CDHR3: variants seen among roughly 807,000 people sequenced by gnomAD.
The protein encoded by CDHR3 is cadherin-related family member 3.
Under a neutral mutation model 86.6 loss-of-function variants are expected in CDHR3, and 79 were observed. That is an observed-to-expected ratio of 0.91 (90% CI 0.76 to 1.10). The LOEUF is 1.10. Ranked by LOEUF, CDHR3 falls within the 50% of genes least tolerant of loss-of-function variation. The pLI is 0.00. For synonymous variants in CDHR3, 421 were observed against 402.4 expected (o/e 1.05, Z -0.55); for missense variants, 1,081 against 1,077.6 (o/e 1.00, Z -0.04).
chr7:106,023,858 C>T (rs1202961400), intron 14 of CDHR3, among the ~76,000 whole-genome samples: 1 of 152,224 alleles, frequency 6.6e-6, no homozygotes, highest in African/African-American at 2.4e-5. Context: ...CATCTCCAAT[C>T]CTGAAACCTC....
chr7:105,994,596 C>T (rs926169094), intron 4 of CDHR3, among the ~76,000 whole-genome samples, 155 bp from the exon 5 acceptor site: 3 of 152,164 alleles, frequency 2.0e-5, no homozygotes, highest in Non-Finnish European at 2.9e-5. Context: ...TATTCAAGAG[C>T]GATTAAATTG....
intron 6 of CDHR3, among the ~76,000 whole-genome samples, chr7:105,999,239 T>A (rs1832753195): frequency 6.6e-6 from 1 of 152,210 alleles, no homozygotes; most frequent in Admixed American, 6.5e-5. Context: ...TATCTTGGAT[T>A]CAAAAATCAA....
chr7:105,967,313 C>T (rs1585463428), intron 1 of CDHR3, among the ~76,000 whole-genome samples: 1 of 152,160 alleles, frequency 6.6e-6, no homozygotes, highest in Non-Finnish European at 1.5e-5. Flanking sequence ...GCATAGTATT[C>T]CATGGTGTAT....
chr7:105,984,381 G>A, intron 4 of CDHR3, 92 bp downstream of exon 4: 2 of 857,402 alleles, frequency 2.3e-6, no homozygotes, highest in Non-Finnish European at 3.6e-6. Flanking sequence ...GTGAGTTTGG[G>A]CAGTGGCAGT....
At chr7:106,006,482 T>C (rs1016424692) in intron 8 of CDHR3, among the ~76,000 whole-genome samples, 1 of 152,118 alleles carries the variant, frequency 6.6e-6, no homozygotes, top group Non-Finnish European at 1.5e-5. Flanking sequence ...CTAGATACAA[T>C]GGGGGTATAG....
intron 9 of CDHR3, 106 bp downstream of exon 9, chr7:106,013,137 C>T (rs1835070926): frequency 2.5e-5 from 25 of 998,064 alleles, no homozygotes; most frequent in Non-Finnish European, 2.6e-5. Context: ...AACCCCCTCT[C>T]AGAGCGACTG....
At position 105,963,894 on chromosome 7, in the gene CDHR3, A is replaced by T. The variant is rs552998419; in HGVS notation, c.46+530A>T. 1.7e-3 allele frequency among the ~76,000 whole-genome samples: 254 copies of T among 152,332 alleles called. 3 individuals are homozygous for T. In the Middle Eastern group the frequency reaches 0.017, roughly 10 times the overall value. On this transcript the variant is annotated intron_variant, in intron 1 of 18. Coordinates refer to ENST00000317716, the MANE Select transcript of CDHR3 (RefSeq NM_152750.5). ...CTCTTCCTCATTCAAGGGCATCAAG[A>T]ATCTTAGATGATCTTTTTAATGTCA...
intron 4 of CDHR3, among the ~76,000 whole-genome samples, chr7:105,988,948 A>G (rs1350891066): frequency 6.6e-6 from 1 of 152,174 alleles, no homozygotes. Context: ...TGTGCATTTT[A>G]CACTTACAGA....
At chr7:106,005,669 C>A (rs1293957310) in intron 8 of CDHR3, among the ~76,000 whole-genome samples, 2 of 152,140 alleles carry the variant, frequency 1.3e-5, no homozygotes, top group African/African-American at 4.8e-5. Flanking sequence ...GACATAGACC[C>A]AATACATGCA....
At chr7:105,994,870 G>A (rs1401412795) in intron 5 of CDHR3, 25 bp downstream of exon 5, 1 of 1,553,724 alleles carries the variant, frequency 6.4e-7, no homozygotes, top group Non-Finnish European at 8.8e-7. Context: ...GACCTTGCAT[G>A]AAGTACTGTT....
At chr7:105,984,929 C>T (rs560965787) in intron 4 of CDHR3, among the ~76,000 whole-genome samples, 14 of 152,026 alleles carry the variant, frequency 9.2e-5, no homozygotes, top group Non-Finnish European at 1.5e-4. Flanking sequence ...CATGATGGTG[C>T]GTGCTTGTAA....
chr7:106,021,393 A>G (rs1380899829), intron 13 of CDHR3, among the ~76,000 whole-genome samples: 1 of 152,228 alleles, frequency 6.6e-6, no homozygotes, highest in Non-Finnish European at 1.5e-5. Context: ...TCGAGACTGC[A>G]GTTGCCGAAG....
chr7:105,986,912 G>A (rs1402418413), intron 4 of CDHR3, among the ~76,000 whole-genome samples: 2 of 152,108 alleles, frequency 1.3e-5, no homozygotes, highest in Non-Finnish European at 2.9e-5. Context: ...TTGGGGTATC[G>A]TGTTCTGATT....
Position 106,016,013 on chromosome 7 carries a change from G to A in CDHR3, c.1414G>A (p.Glu472Lys). Reference protein sequence around the residue: ...DRPSYVFDVSERRPARTRVGQ... With the variant: ...DRPSYVFDVSKRRPARTRVGQ... ...GCCATCCTATGTATTTGATGTGTCA[G>A]AAAGAAGGCCCGGTAAGTAACAGAT... Residue 472 changes from glutamate to lysine, a missense_variant, in exon 11 of 19, where the codon GAA becomes AAA. By Grantham distance (56) the Glu-to-Lys change is moderately conservative (BLOSUM62 1). Coordinates refer to ENST00000317716, the MANE Select transcript of CDHR3 (RefSeq NM_152750.5). 1 of 1,608,996 alleles carries A rather than the reference G, an allele frequency of 6.2e-7. No homozygotes were observed. The highest frequency in any genetic ancestry group is 8.5e-7 in the Non-Finnish European group (1 of 1,176,874).
chr7:106,004,443 T>C, intron 7 of CDHR3, 55 bp from the exon 8 acceptor site: 1 of 1,420,946 alleles, frequency 7.0e-7, no homozygotes, highest in Non-Finnish European at 9.8e-7. Flanking sequence ...TCCAAGTTTC[T>C]GTATTCCTTT....
chr7:106,022,491 T>A, intron 14 of CDHR3, 43 bp downstream of exon 14: 1 of 1,592,358 alleles, frequency 6.3e-7, no homozygotes, highest in East Asian at 2.2e-5. Flanking sequence ...CATTCCCTTG[T>A]GAGTTATGTT....
At chr7:106,021,344 G>A (rs999618582) in intron 13 of CDHR3, among the ~76,000 whole-genome samples, 9 of 152,128 alleles carry the variant, frequency 5.9e-5, no homozygotes, top group South Asian at 4.1e-4. Flanking sequence ...GAAGCCTCTC[G>A]AGCTGGCTGT....
At chr7:106,021,384 C>T (rs893575518) in intron 13 of CDHR3, among the ~76,000 whole-genome samples, 4 of 152,080 alleles carry the variant, frequency 2.6e-5, no homozygotes, top group Admixed American at 6.5e-5. Context: ...GAAACTGCCT[C>T]GAGACTGCAG....
At chr7:105,993,914 T>A (rs1218725921) in intron 4 of CDHR3, among the ~76,000 whole-genome samples, 2 of 152,084 alleles carry the variant, frequency 1.3e-5, no homozygotes, top group Non-Finnish European at 2.9e-5. Context: ...CAGGGTGTCA[T>A]CAAGAGAGCT....
Sources: allele counts gnomAD v4.1 joint callset (sites outside exome capture counted in the v4.1 genomes callset), GRCh38; gene constraint gnomAD v4.1.1; transcripts MANE v1.5; gene names NCBI Gene and HGNC (gene_info 2026-07-23, HGNC 2026-07-21).